Variants in HS3ST4 observed in about 807,000 individuals in gnomAD.
The protein encoded by HS3ST4 is heparan sulfate glucosamine 3-O-sulfotransferase 4.
A neutral mutation model predicts 29.2 loss-of-function variants in HS3ST4; 17 were observed. The ratio of observed to expected loss-of-function variants is 0.58; its 90% CI spans 0.40 to 0.87. The LOEUF is 0.87. Among genes scored for constraint, HS3ST4 ranks in the 40% least tolerant of loss-of-function variants. The probability of loss-of-function intolerance (pLI) is 0.00; values close to 1 mark genes in which losing one functional copy is unlikely to be tolerated. For synonymous variants in HS3ST4, 314 were observed against 285.7 expected (o/e 1.10, Z -1.00); for missense variants, 627 against 634.5 (o/e 0.99, Z 0.13).
At chr16:25,787,069 T>C (rs1291145726) in intron 1 of HS3ST4, among the ~76,000 whole-genome samples, 4 of 152,226 alleles carry the variant, frequency 2.6e-5, no homozygotes, top group Admixed American at 2.6e-4. Context: ...AAATATCATA[T>C]AAAATGTGAG....
intron 1 of HS3ST4, among the ~76,000 whole-genome samples, chr16:25,950,898 G>A (rs762954006): frequency 6.6e-6 from 1 of 152,148 alleles, no homozygotes; most frequent in Non-Finnish European, 1.5e-5. Context: ...ACTCCAGGAC[G>A]CCAGCTTTGA....
At chr16:25,920,595 C>CT (rs1968338374) in intron 1 of HS3ST4, among the ~76,000 whole-genome samples, 1 of 113,194 alleles carries the variant, frequency 8.8e-6, no homozygotes, top group Non-Finnish European at 1.6e-5. Flanking sequence ...CCCTCACTGC[C>CT]GCCCCCACCC....
chr16:26,054,793 G>A (rs913811573), intron 1 of HS3ST4, among the ~76,000 whole-genome samples: 1 of 152,108 alleles, frequency 6.6e-6, no homozygotes, highest in African/African-American at 2.4e-5. Context: ...GGGAGCCATC[G>A]CAAGGTAACA....
intron 1 of HS3ST4, among the ~76,000 whole-genome samples, chr16:26,058,118 C>T (rs771356656): frequency 6.6e-6 from 1 of 152,168 alleles, no homozygotes; most frequent in African/African-American, 2.4e-5. Context: ...CCCATTAAAG[C>T]TTTGCATTAT....
intron 1 of HS3ST4, among the ~76,000 whole-genome samples, chr16:25,863,075 C>T (rs578050086): frequency 6.6e-6 from 1 of 152,246 alleles, no homozygotes; most frequent in East Asian, 1.9e-4. Flanking sequence ...TTGTATGATC[C>T]AGTAGTTAAC....
At chr16:25,900,994 A>T (rs1242088514) in intron 1 of HS3ST4, among the ~76,000 whole-genome samples, 2 of 152,174 alleles carry the variant, frequency 1.3e-5, no homozygotes, top group Non-Finnish European at 2.9e-5. Flanking sequence ...TTTATTCTGG[A>T]AAGTCAAGAC....
chr16:26,022,766 G>A (rs758162971), intron 1 of HS3ST4, among the ~76,000 whole-genome samples: 3 of 151,632 alleles, frequency 2.0e-5, no homozygotes, highest in Admixed American at 6.6e-5. Flanking sequence ...TCCTGCCTTG[G>A]CCTCCCGATG....
intron 1 of HS3ST4, among the ~76,000 whole-genome samples, chr16:26,082,370 T>A (rs999790711): frequency 2.0e-5 from 3 of 152,228 alleles, no homozygotes; most frequent in African/African-American, 7.2e-5. Flanking sequence ...TAAAGGTGTC[T>A]TAACTCTTCC....
chr16:26,099,606 A>G (rs552659384), intron 1 of HS3ST4, among the ~76,000 whole-genome samples: 3 of 152,222 alleles, frequency 2.0e-5, no homozygotes, highest in Non-Finnish European at 2.9e-5. Flanking sequence ...AATACCTGTC[A>G]TCATCAGACT....
chr16:25,967,824 T>G (rs1388383883), intron 1 of HS3ST4, among the ~76,000 whole-genome samples: 1 of 152,116 alleles, frequency 6.6e-6, no homozygotes, highest in Non-Finnish European at 1.5e-5. Context: ...GTGCCAGCTG[T>G]GGGCTTGTGG....
chr16:25,967,066 G>A (rs985147862), intron 1 of HS3ST4, among the ~76,000 whole-genome samples: 6 of 152,218 alleles, frequency 3.9e-5, no homozygotes, highest in Admixed American at 6.5e-5. Context: ...AGCCCTCTGA[G>A]GTGTAAGAAA....
chr16:25,991,252 G>A (rs1019179325), intron 1 of HS3ST4, among the ~76,000 whole-genome samples: 1 of 152,188 alleles, frequency 6.6e-6, no homozygotes, highest in Non-Finnish European at 1.5e-5. Context: ...TAACTAAGTG[G>A]AACATTTCTT....
intron 1 of HS3ST4, among the ~76,000 whole-genome samples, chr16:25,824,031 T>C (rs12924680): frequency 0.22 from 33,931 of 152,174 alleles, 4,681 homozygotes; most frequent in East Asian, 0.36. Flanking sequence ...GAGGAAGCAC[T>C]GTGCCTGGCA....
rs1204965731 is a variant in HS3ST4, at chr16:25,829,102, TG to T, written c.734+135952del. 1.1e-4 allele frequency among the ~76,000 whole-genome samples: 16 copies of T among 152,328 alleles called. 1 individual carries two copies. In the South Asian group the frequency reaches 1.9e-3, roughly 18 times the overall value. On this transcript the variant is annotated intron_variant, in intron 1 of 1. Transcript: ENST00000331351. Reference sequence around the variant, plus strand: ...AGGGCAAATGGGGAATACGGCTTAGTGTGCAACAAGTGTGTCTCTTGGCTGA... The same window carrying T: ...AGGGCAAATGGGGAATACGGCTTAGTTGCAACAAGTGTGTCTCTTGGCTGA...
intron 1 of HS3ST4, among the ~76,000 whole-genome samples, chr16:25,861,112 A>G (rs1001156664): frequency 1.3e-5 from 2 of 152,214 alleles, no homozygotes; most frequent in Admixed American, 1.3e-4. Context: ...GTTAGGGTGC[A>G]GATGTGATTT....
In HS3ST4 at chr16:26,084,349, C is replaced by T. The variant is rs1034112666; in HGVS notation, c.735-51263C>T. On this transcript the variant is annotated intron_variant, in intron 1 of 1. Coordinates refer to ENST00000331351, the MANE Select transcript of HS3ST4 (RefSeq NM_006040.3). ...GGAGACTTTAGGGGATTTCTTTTCTCAACACCGTCAGGGTCTGAAAAGAAA... is the reference window on the plus strand; with the variant it reads ...GGAGACTTTAGGGGATTTCTTTTCTTAACACCGTCAGGGTCTGAAAAGAAA... Among the ~76,000 whole-genome samples, 3 of 152,214 alleles carry T rather than the reference C, an allele frequency of 2.0e-5. No individual in the cohort carries two copies. In the South Asian group the frequency reaches 6.2e-4, roughly 32 times the overall value.
intron 1 of HS3ST4, among the ~76,000 whole-genome samples, chr16:25,958,810 C>T (rs949755779): frequency 6.6e-6 from 1 of 152,126 alleles, no homozygotes; most frequent in African/African-American, 2.4e-5. Context: ...GGTGTTGGCT[C>T]CTCACAGCAT....
chr16:26,035,465 C>A (rs573688990), intron 1 of HS3ST4, among the ~76,000 whole-genome samples: 1 of 152,332 alleles, frequency 6.6e-6, no homozygotes, highest in East Asian at 1.9e-4. Flanking sequence ...AATCCCTTTG[C>A]TAAAGCTGGT....
intron 1 of HS3ST4, among the ~76,000 whole-genome samples, chr16:25,926,659 T>C (rs1968405911): frequency 6.6e-6 from 1 of 152,214 alleles, no homozygotes; most frequent in Non-Finnish European, 1.5e-5. Context: ...GAGATAGTGA[T>C]TTATGATTGG....
Sources: gnomAD v4.1 joint callset for allele counts (sites outside exome capture counted in the v4.1 genomes callset) on GRCh38, gnomAD v4.1.1 for gene constraint, MANE v1.5 for transcripts, NCBI Gene and HGNC (gene_info 2026-07-23, HGNC 2026-07-21) for gene names.